DENND2B: variants seen among roughly 807,000 people sequenced by gnomAD.
DENND2B encodes DENN domain containing 2B, also known as DENN domain-containing protein 2B.
Under a neutral mutation model 116.0 loss-of-function variants are expected in DENND2B, and 32 were observed. The ratio of observed to expected loss-of-function variants is 0.28; its 90% confidence interval spans 0.21 to 0.37. The LOEUF (loss-of-function observed/expected upper bound fraction) is 0.37. DENND2B is among the 10% of genes least tolerant of loss of function. The pLI is 1.00. For missense variants in DENND2B, 1,276 were observed against 1,477.7 expected, an observed-to-expected ratio of 0.86 and a Z score of 2.24; for synonymous variants, 588 against 583.9, an observed-to-expected ratio of 1.01 and a Z score of -0.10.
chr11:8,860,424 A>T (rs969336481), intron 2 of DENND2B, among the ~76,000 whole-genome samples: 1 of 152,214 alleles, frequency 6.6e-6, no homozygotes, highest in Non-Finnish European at 1.5e-5. Flanking sequence ...AATCAAATCA[A>T]TAACTCAATC....
At chr11:8,731,557 C>T (rs1229907233) in intron 2 of DENND2B, among the ~76,000 whole-genome samples, 1 of 152,156 alleles carries the variant, frequency 6.6e-6, no homozygotes, top group African/African-American at 2.4e-5. Context: ...ACATGCTTAA[C>T]AACCAGTTCT....
At chr11:8,806,970 T>C (rs1039432996) in intron 1 of DENND2B, among the ~76,000 whole-genome samples, 1 of 151,692 alleles carries the variant, frequency 6.6e-6, no homozygotes, top group Non-Finnish European at 1.5e-5. Flanking sequence ...CCACTTTCCA[T>C]GGTCCCTCCA....
intron 1 of DENND2B, among the ~76,000 whole-genome samples, chr11:8,792,529 T>C (rs745786270): frequency 6.6e-6 from 1 of 152,116 alleles, no homozygotes; most frequent in Non-Finnish European, 1.5e-5. Context: ...CAGCAACACA[T>C]ATGGCAAAGA....
At chr11:8,776,186 A>ACACACCCC (rs761084725) in intron 1 of DENND2B, 18 of 443,024 alleles carry the variant, frequency 4.1e-5, no homozygotes, top group African/African-American at 2.9e-4. Context: ...ACACACACAC[A>ACACACCCC]CCTACCTCTC....
chr11:8,714,532 C>CAGGTAG (rs1182569413), intron 7 of DENND2B, 78 bp downstream of exon 7: 1 of 1,235,244 alleles, frequency 8.1e-7, no homozygotes, highest in Admixed American at 1.7e-5. Context: ...CTACCCTCCA[C>CAGGTAG]AGGTAAATTG....
chr11:8,748,560 G>A (rs892183803), intron 2 of DENND2B, among the ~76,000 whole-genome samples: 16 of 151,568 alleles, frequency 1.1e-4, no homozygotes, highest in Admixed American at 9.8e-4. Flanking sequence ...CTGAGAGAAG[G>A]GTGTCACTAG....
At chr11:8,816,020 A>G (rs2061557537) in intron 4 of DENND2B, among the ~76,000 whole-genome samples, 1 of 152,248 alleles carries the variant, frequency 6.6e-6, no homozygotes, top group Admixed American at 6.5e-5. Context: ...GACAACTGAA[A>G]TTCTGAACCT....
intron 2 of DENND2B, among the ~76,000 whole-genome samples, chr11:8,740,871 A>G (rs1212837402): frequency 6.6e-6 from 1 of 152,190 alleles, no homozygotes; most frequent in Non-Finnish European, 1.5e-5. Flanking sequence ...GCGCTACCCT[A>G]AAGCCATACT....
intron 1 of DENND2B, among the ~76,000 whole-genome samples, chr11:8,781,327 G>A (rs564218490): frequency 1.3e-5 from 2 of 152,274 alleles, no homozygotes; most frequent in South Asian, 2.1e-4. Context: ...TGGAAGCAAC[G>A]TGGGGAGTTC....
At chr11:8,876,344 T>C (rs1594329015), upstream of DENND2B, among the ~76,000 whole-genome samples, 1 of 152,192 alleles carries the variant, frequency 6.6e-6, no homozygotes, top group Non-Finnish European at 1.5e-5. Context: ...TCTTAAAATA[T>C]ATAAGGAATA....
At chr11:8,901,236 T>TC (rs1555223242) in intron 1 of DENND2B, among the ~76,000 whole-genome samples, 2 of 137,692 alleles carry the variant, frequency 1.5e-5, no homozygotes, top group African/African-American at 2.7e-5. Flanking sequence ...TTTCTTTTTT[T>TC]TTTTTTTTTT....
Position 8,730,311 on chromosome 11 carries a change from C to A in DENND2B, c.979G>T (p.Ala327Ser). 2 of 1,602,220 alleles carry A rather than the reference C, an allele frequency of 1.2e-6. No individual in the cohort carries two copies. Among genetic ancestry groups the A allele is most frequent in the Non-Finnish European group, 1.7e-6 (2 of 1,177,130 alleles). ...CCAGCGCTCACACTCGCGCCCCCTG[C>A]CGGCTCCTCCAAGGAGCCCAAGGTT... ...TGTLGSLEEP[A>S]GGASVSAGSR... The change falls in exon 3 of 20, where the codon GCA becomes TCA. Residue 327 changes from alanine (A) to serine (S), a missense_variant. Coordinates refer to ENST00000313726, the MANE Select transcript of DENND2B (RefSeq NM_213618.2). This position sits in a 1 kb window ranked among gnomAD's most constrained non-coding sequence, Gnocchi z 4.1.
At chr11:8,883,963 A>T (rs2063930610) in intron 1 of DENND2B, among the ~76,000 whole-genome samples, 1 of 152,202 alleles carries the variant, frequency 6.6e-6, no homozygotes, top group African/African-American at 2.4e-5. Context: ...AAGACACCCC[A>T]TTCTTTCCAG....
At chr11:8,795,931 C>T (rs935126263) in intron 1 of DENND2B, among the ~76,000 whole-genome samples, 1 of 152,178 alleles carries the variant, frequency 6.6e-6, no homozygotes, top group Non-Finnish European at 1.5e-5. Flanking sequence ...TGTAAAGGAA[C>T]CTTTCCCAAC....
intron 4 of DENND2B, among the ~76,000 whole-genome samples, chr11:8,723,627 A>G (rs1230355314): frequency 2.0e-5 from 3 of 152,200 alleles, no homozygotes; most frequent in Non-Finnish European, 2.9e-5. Flanking sequence ...GTGGCTGAGT[A>G]GAACTGGGGT....
At chr11:8,778,846 T>C (rs895668106) in intron 1 of DENND2B, among the ~76,000 whole-genome samples, 8 of 152,196 alleles carry the variant, frequency 5.3e-5, no homozygotes, top group Admixed American at 2.0e-4. Flanking sequence ...AAGAAACCCA[T>C]GGTAAAGATG....
At chr11:8,737,729 ATTCT>A (rs2049340794) in intron 2 of DENND2B, among the ~76,000 whole-genome samples, 1 of 115,418 alleles carries the variant, frequency 8.7e-6, no homozygotes, top group African/African-American at 3.3e-5. Flanking sequence ...TCTTTCTTTC[ATTCT>A]TTCTTCTCTT....
At chr11:8,731,520 G>A (rs975885997) in intron 2 of DENND2B, among the ~76,000 whole-genome samples, 2 of 152,118 alleles carry the variant, frequency 1.3e-5, no homozygotes, top group Admixed American at 6.6e-5. Flanking sequence ...GCCAGTAAGA[G>A]GACAGAAAGC....
rs1592649241 is a variant in DENND2B, at chr11:8,717,955, A to G, written c.1478-63T>C. On this transcript the variant is annotated intron_variant, in intron 4 of 19. Coordinates refer to ENST00000313726, the MANE Select transcript of DENND2B (RefSeq NM_213618.2). ...AAGAAGGAAACACACGAACTCACAC[A>G]CACACAAATAAACAAGCAGAATTCC... 1.9e-6 allele frequency: 3 copies of G among 1,562,064 alleles called. No homozygotes were observed. The East Asian group carries it at 6.8e-5, about 35-fold the overall frequency.
Sources: gnomAD v4.1 joint callset for allele counts (sites outside exome capture counted in the v4.1 genomes callset) on GRCh38, gnomAD v4.1.1 for gene constraint, Gnocchi (gnomAD v3.1) non-coding constraint, MANE v1.5 for transcripts, NCBI Gene and HGNC (gene_info 2026-07-23, HGNC 2026-07-21) for gene names.